KCNH8: variants seen among roughly 807,000 people sequenced by gnomAD.
KCNH8 encodes potassium voltage-gated channel subfamily H member 8, also known as voltage-gated delayed rectifier potassium channel KCNH8.
Under a neutral mutation model 103.6 loss-of-function variants are expected in KCNH8, and 70 were observed. The observed-to-expected ratio is 0.68, with a 90% confidence interval of 0.56 to 0.82. The LOEUF is 0.82. Ranked by LOEUF, KCNH8 falls within the 40% of genes least tolerant of loss-of-function variation. The probability of loss-of-function intolerance (pLI) is 0.00; values close to 1 mark genes in which losing one functional copy is unlikely to be tolerated. For missense variants in KCNH8, 1,217 were observed against 1,329.9 expected, an observed-to-expected ratio of 0.92 and a Z score of 1.32; for synonymous variants, 498 against 489.4, an observed-to-expected ratio of 1.02 and a Z score of -0.23.
intron 1 of KCNH8, among the ~76,000 whole-genome samples, chr3:19,213,162 A>G (rs2063786904): frequency 6.6e-6 from 1 of 152,218 alleles, no homozygotes; most frequent in Admixed American, 6.5e-5. Flanking sequence ...GTGCACATGG[A>G]ACAGGAACTC....
chr3:19,182,846 C>T (rs1479406133), intron 1 of KCNH8, among the ~76,000 whole-genome samples: 1 of 152,004 alleles, frequency 6.6e-6, no homozygotes, highest in African/African-American at 2.4e-5. Flanking sequence ...CTATTTTTTT[C>T]GTGAGAAATG....
At chr3:19,165,385 C>G (rs1013180675) in intron 1 of KCNH8, among the ~76,000 whole-genome samples, 9 of 152,044 alleles carry the variant, frequency 5.9e-5, no homozygotes, top group African/African-American at 2.2e-4. Context: ...TAAACTATTA[C>G]TTGAGAAACA....
At chr3:19,259,581 C>G (rs1056549213) in intron 2 of KCNH8, among the ~76,000 whole-genome samples, 1 of 151,524 alleles carries the variant, frequency 6.6e-6, no homozygotes, top group Non-Finnish European at 1.5e-5. Context: ...CAGTCATTGT[C>G]CCTTATTTTA....
At chr3:19,415,247 C>T (rs1337886430) in intron 7 of KCNH8, among the ~76,000 whole-genome samples, 1 of 151,850 alleles carries the variant, frequency 6.6e-6, no homozygotes, top group Non-Finnish European at 1.5e-5. Flanking sequence ...TTAATATTGT[C>T]ACAATTCTAT....
intron 2 of KCNH8, 99 bp downstream of exon 2, chr3:19,253,986 T>G: frequency 2.6e-6 from 2 of 766,274 alleles, no homozygotes; most frequent in Non-Finnish European, 4.4e-6. Flanking sequence ...CTTAATGGCA[T>G]TTCACATACA....
chr3:19,240,367 C>A (rs1330457590), intron 1 of KCNH8, among the ~76,000 whole-genome samples: 1 of 152,086 alleles, frequency 6.6e-6, no homozygotes, highest in African/African-American at 2.4e-5. Context: ...AATCCCATCA[C>A]TTTGGGAGGC....
At position 19,533,929 on chromosome 3, in the gene KCNH8, G is replaced by A. The variant is rs917843725; in HGVS notation, c.3154G>A (p.Glu1052Lys). 1.9e-6 allele frequency: 3 copies of A among 1,614,014 alleles called. No individual in the cohort carries two copies. Among genetic ancestry groups the A allele is most frequent in the African/African-American group, 2.7e-5 (2 of 74,914 alleles). The change falls in exon 16 of 16, where the codon GAG becomes AAG. Residue 1052 changes from glutamate to lysine, a missense_variant. By Grantham distance (56) the Glu-to-Lys change is moderately conservative. This residue lies in a region of KCNH8 where 558 missense variants were observed against 495.8 expected (regional missense o/e 1.13). Transcript: ENST00000328405. ...CCTAGTTCTCCCAAGCAGATCAGAG[G>A]AGGGCAGCTTCAGTCAGGGAACTGT... ...LHLVLPSRSE[E>K]GSFSQGTVSS...
At chr3:19,488,223 T>A (rs2068249901) in intron 11 of KCNH8, among the ~76,000 whole-genome samples, 1 of 152,228 alleles carries the variant, frequency 6.6e-6, no homozygotes, top group Admixed American at 6.5e-5. Flanking sequence ...GAGCATTGGT[T>A]ACATTGAAAG....
intron 11 of KCNH8, among the ~76,000 whole-genome samples, chr3:19,491,548 T>C (rs2125224405): frequency 6.6e-6 from 1 of 152,318 alleles, no homozygotes; most frequent in East Asian, 1.9e-4. Flanking sequence ...AATTTATCAC[T>C]GTGGTGGATA....
chr3:19,268,417 T>C (rs1312733566), intron 2 of KCNH8, among the ~76,000 whole-genome samples: 1 of 152,058 alleles, frequency 6.6e-6, no homozygotes, highest in Non-Finnish European at 1.5e-5. Context: ...GACTATCTTA[T>C]TTGAGACACG....
At chr3:19,284,544 T>TGC (rs2064802383) in intron 3 of KCNH8, among the ~76,000 whole-genome samples, 2 of 147,596 alleles carry the variant, frequency 1.4e-5, no homozygotes, top group African/African-American at 5.3e-5. Context: ...TGTGTGTGTG[T>TGC]GTGTGTGTGA....
chr3:19,373,193 C>G (rs913933498), intron 5 of KCNH8, among the ~76,000 whole-genome samples: 1 of 152,012 alleles, frequency 6.6e-6, no homozygotes, highest in East Asian at 1.9e-4. Context: ...ATGGTACCAG[C>G]TCCTCCTTGT....
intron 1 of KCNH8, among the ~76,000 whole-genome samples, chr3:19,194,063 T>C (rs769670190): frequency 5.9e-5 from 9 of 151,816 alleles, no homozygotes; most frequent in Non-Finnish European, 1.2e-4. Context: ...CTAAATGATA[T>C]ATTTTGAAGT....
At chr3:19,369,289 A>G (rs2066054789) in intron 5 of KCNH8, among the ~76,000 whole-genome samples, 1 of 151,892 alleles carries the variant, frequency 6.6e-6, no homozygotes, top group Non-Finnish European at 1.5e-5. Flanking sequence ...CTCTTTCCAT[A>G]TTTGATACTG....
rs546574119 is a variant in KCNH8 at position 19,442,839 on chromosome 3, G to A, written c.1375+4478G>A. On this transcript the variant is annotated intron_variant, in intron 8 of 15. Coordinates refer to ENST00000328405, the MANE Select transcript of KCNH8 (RefSeq NM_144633.3). ...CTAATTAACTAATTAATTGTAAAAT[G>A]TTGAGAACTAATCATAAGAGCTCAC... Among the ~76,000 whole-genome samples, 21 of 152,136 alleles carry A rather than the reference G, an allele frequency of 1.4e-4. No homozygotes were observed. The South Asian group carries it at 4.1e-3, about 30-fold the overall frequency.
At chr3:19,386,888 A>T (rs2066364997) in intron 5 of KCNH8, among the ~76,000 whole-genome samples, 2 of 152,018 alleles carry the variant, frequency 1.3e-5, no homozygotes, top group Admixed American at 1.3e-4. Flanking sequence ...GCGAAGTTCC[A>T]CTCTGTTTCT....
In KCNH8 at chr3:19,485,148, A is replaced by T. The variant is rs148340886; in HGVS notation, c.2041-25215A>T. On this transcript the variant is annotated intron_variant, in intron 11 of 15. Transcript: ENST00000328405. ...TGTTTTCTGTACCAAGTCGCTCACA[A>T]ACCTGTTACCTGAGCCGATTCGTAA... 5.9e-3 allele frequency among the ~76,000 whole-genome samples: 893 copies of T among 152,250 alleles called. 8 individuals are homozygous for T. Among genetic ancestry groups the T allele is most frequent in the African/African-American group, 0.02 (826 of 41,538 alleles).
intron 7 of KCNH8, among the ~76,000 whole-genome samples, chr3:19,419,302 C>G (rs954222973): frequency 2.7e-5 from 4 of 150,648 alleles, no homozygotes; most frequent in African/African-American, 4.9e-5. Context: ...CGGGTTCACG[C>G]CATTCTCCTG....
chr3:19,460,643 A>C (rs1418714581), intron 11 of KCNH8, among the ~76,000 whole-genome samples: 1 of 152,166 alleles, frequency 6.6e-6, no homozygotes, highest in Non-Finnish European at 1.5e-5. Flanking sequence ...CTCTTTTCTT[A>C]GGGATCACGT....
Sources: gnomAD v4.1 joint callset for allele counts (sites outside exome capture counted in the v4.1 genomes callset) on GRCh38, gnomAD v4.1.1 for gene constraint, gnomAD v4.1.1 regional missense constraint, MANE v1.5 for transcripts, NCBI Gene and HGNC (gene_info 2026-07-23, HGNC 2026-07-21) for gene names.